The following ULK4 variants were observed in gnomAD, a reference collection of about 807,000 sequenced individuals.
ULK4 encodes the protein inactive serine/threonine-protein kinase ULK4.
In ULK4, 133 loss-of-function variants were observed where a neutral mutation model predicts 160.6. The observed-to-expected ratio is 0.83, with a 90% confidence interval of 0.72 to 0.96. ULK4 has a LOEUF of 0.96. Among genes scored for constraint, ULK4 ranks in the 40% least tolerant of loss-of-function variants. ULK4 has a pLI of 0.00. For missense variants in ULK4, 1,580 were observed against 1,499.5 expected (o/e 1.05, Z -0.89); for synonymous variants, 534 against 539.8 (o/e 0.99, Z 0.15).
chr3:41,381,302 A>G (rs541314414), intron 35 of ULK4, among the ~76,000 whole-genome samples: 4 of 152,312 alleles, frequency 2.6e-5, no homozygotes, highest in Admixed American at 2.0e-4. Flanking sequence ...CACTACCATT[A>G]ACTGGCAACC....
chr3:41,727,956 G>C (rs1358484340), intron 22 of ULK4, among the ~76,000 whole-genome samples: 1 of 152,162 alleles, frequency 6.6e-6, no homozygotes, highest in Non-Finnish European at 1.5e-5. Flanking sequence ...AGGTGAAAAA[G>C]AGAAGTCAAG....
intron 35 of ULK4, among the ~76,000 whole-genome samples, chr3:41,362,140 C>T (rs1001623299): frequency 3.3e-5 from 5 of 152,150 alleles, no homozygotes; most frequent in African/African-American, 1.2e-4. Context: ...TATCATAAGA[C>T]AGTTGAGTCT....
chr3:41,627,449 C>A (rs1022828423), intron 30 of ULK4, among the ~76,000 whole-genome samples: 1 of 152,170 alleles, frequency 6.6e-6, no homozygotes, highest in Non-Finnish European at 1.5e-5. Flanking sequence ...ACACAAGAGG[C>A]GTAAGTCCCG....
At position 41,919,808 on chromosome 3, in the gene ULK4, T is replaced by C. The variant is rs1699123811; in HGVS notation, c.552A>G (p.Val184=). 2 of 1,611,380 alleles carry C rather than the reference T, an allele frequency of 1.2e-6. No individual in the cohort carries two copies. Among genetic ancestry groups the C allele is most frequent in the Admixed American group, 1.7e-5 (1 of 59,830 alleles). Residue 184 remains valine, a synonymous_variant, in exon 6 of 37, where the codon GTA becomes GTG. Coordinates refer to ENST00000301831, the MANE Select transcript of ULK4 (RefSeq NM_017886.4). ...SMKSRVKGSP[V]YTAPEVVRGA... ...CCCTCACAACTTCTGGTGCTGTATA[T>C]ACAGGAGATCCTAAAAGCAAAGTAT...
chr3:41,363,760 T>C (rs566399050), intron 35 of ULK4, among the ~76,000 whole-genome samples: 1 of 152,366 alleles, frequency 6.6e-6, no homozygotes, highest in South Asian at 2.1e-4. Flanking sequence ...TTGTCTTTTC[T>C]TGATGGCTTT....
chr3:41,351,345 C>G (rs2080905901), intron 35 of ULK4, among the ~76,000 whole-genome samples: 1 of 152,164 alleles, frequency 6.6e-6, no homozygotes, highest in South Asian at 2.1e-4. Context: ...TCCTTATTCA[C>G]AAAAAGTTAA....
chr3:41,891,499 A>G (rs1421347717), intron 16 of ULK4, among the ~76,000 whole-genome samples: 4 of 151,672 alleles, frequency 2.6e-5, no homozygotes, highest in Non-Finnish European at 5.9e-5. Context: ...AAAAAAAAAA[A>G]GGTAAGGTTT....
chr3:41,536,477 CT>C (rs2086503293), intron 32 of ULK4, among the ~76,000 whole-genome samples: 2 of 152,154 alleles, frequency 1.3e-5, no homozygotes, highest in Non-Finnish European at 2.9e-5. Flanking sequence ...CCACTTACAA[CT>C]TTTGACTCCC....
rs555994427 is a variant in ULK4 at position 41,441,804 on chromosome 3, T to TA, written c.3492+13692dup. Among the ~76,000 whole-genome samples the TA allele has an allele frequency of 5.4e-4, 82 of 152,314 alleles. 1 individual carries two copies. Among genetic ancestry groups the TA allele is most frequent in the African/African-American group, 1.9e-3 (81 of 41,570 alleles). The stretch of plus-strand genomic sequence containing the variant: ...CAAACGGGCACTGAAATCTTTTATT[T>TA]AAGCTGCATATTTGTCTTTTTACCC... On this transcript the variant is annotated intron_variant, in intron 34 of 36. Transcript: ENST00000301831.
intron 35 of ULK4, among the ~76,000 whole-genome samples, chr3:41,351,104 G>T (rs976687550): frequency 6.6e-6 from 1 of 152,156 alleles, no homozygotes; most frequent in African/African-American, 2.4e-5. Context: ...CACGTAGGAC[G>T]GAAGATAAGT....
In ULK4 at chr3:41,696,736, T is replaced by C. The variant is rs1308758114; in HGVS notation, c.2781+8321A>G. 2.9e-5 allele frequency among the ~76,000 whole-genome samples: 4 copies of C among 137,766 alleles called. No homozygotes were observed. The South Asian group carries it at 6.3e-4, about 22-fold the overall frequency. The allele number at this position is 137,766 out of a possible 152,430, so 90.4% of individuals were successfully genotyped here. A position where few individuals can be genotyped will look rare whatever the true frequency, so the allele number is the denominator to read the frequency against. Reference sequence around the variant, plus strand: ...TACATAGCAAAAGGGAATTTGCAGATGAGGTTAAGGATCTTGAGAGGAGAG... The same window carrying C: ...TACATAGCAAAAGGGAATTTGCAGACGAGGTTAAGGATCTTGAGAGGAGAG... On this transcript the variant is annotated intron_variant, in intron 27 of 36. Coordinates refer to ENST00000301831, the MANE Select transcript of ULK4 (RefSeq NM_017886.4).
At chr3:41,447,883 G>A (rs78849986) in intron 34 of ULK4, among the ~76,000 whole-genome samples, 1,713 of 152,210 alleles carry the variant, frequency 0.011, 17 homozygotes, top group Non-Finnish European at 0.017. Flanking sequence ...CTTCTAGAGA[G>A]AAGTCTAAAT....
chr3:41,823,507 C>T (rs937242991), intron 18 of ULK4, among the ~76,000 whole-genome samples: 2 of 152,158 alleles, frequency 1.3e-5, no homozygotes, highest in Non-Finnish European at 2.9e-5. Flanking sequence ...AAGAAAAACA[C>T]AAAAACTGAA....
intron 30 of ULK4, among the ~76,000 whole-genome samples, chr3:41,658,975 T>C (rs1438261535): frequency 4.6e-5 from 7 of 152,220 alleles, no homozygotes; most frequent in East Asian, 3.8e-4. Context: ...TTTGGAATGA[T>C]AGAAACCCTC....
intron 36 of ULK4, among the ~76,000 whole-genome samples, chr3:41,247,740 C>T (rs1575349359): frequency 6.6e-6 from 1 of 152,178 alleles, no homozygotes; most frequent in Non-Finnish European, 1.5e-5. Flanking sequence ...TGAACTTGGC[C>T]CACCCCTGGC....
intron 32 of ULK4, among the ~76,000 whole-genome samples, chr3:41,520,267 A>G (rs970387123): frequency 1.3e-5 from 2 of 151,842 alleles, no homozygotes; most frequent in African/African-American, 4.8e-5. Flanking sequence ...GTCCCTATAA[A>G]TTTGATTTTT....
At chr3:41,494,911 A>C (rs200658131) in intron 32 of ULK4, among the ~76,000 whole-genome samples, 67,410 of 151,444 alleles carry the variant, frequency 0.45, 15,845 homozygotes, top group Admixed American at 0.52. Context: ...CTACAAACCA[A>C]TGCTCAATGA....
At chr3:41,740,773 TG>T (rs2038216562) in intron 22 of ULK4, among the ~76,000 whole-genome samples, 1 of 151,964 alleles carries the variant, frequency 6.6e-6, no homozygotes, top group Non-Finnish European at 1.5e-5. Flanking sequence ...GGACTCCAGT[TG>T]CTAGTGCAGT....
chr3:41,260,878 C>T (rs2078927078), intron 35 of ULK4, among the ~76,000 whole-genome samples: 1 of 152,206 alleles, frequency 6.6e-6, no homozygotes, highest in Non-Finnish European at 1.5e-5. Flanking sequence ...GTCTGTCACC[C>T]TCTGCATGAA....
Sources: allele counts gnomAD v4.1 joint callset (sites outside exome capture counted in the v4.1 genomes callset), GRCh38; gene constraint gnomAD v4.1.1; transcripts MANE v1.5; gene names NCBI Gene and HGNC (gene_info 2026-07-23, HGNC 2026-07-21).